Variants in DSE observed in about 807,000 individuals in gnomAD.
DSE encodes the protein dermatan sulfate epimerase, also known as dermatan-sulfate epimerase.
In DSE, 36 loss-of-function variants were observed where a neutral mutation model predicts 84.4. The ratio of observed to expected loss-of-function variants is 0.43; its 90% CI spans 0.33 to 0.56. DSE has a LOEUF of 0.56. Among genes scored for constraint, DSE ranks in the 20% least tolerant of loss-of-function variants. The pLI is 0.06. For missense variants in DSE, 862 were observed against 1,169.6 expected (o/e 0.74, Z 3.84); for synonymous variants, 410 against 430.1 (o/e 0.95, Z 0.58).
intron 2 of DSE, among the ~76,000 whole-genome samples, chr6:116,310,397 ATCT>A (rs1304162686): frequency 6.6e-6 from 1 of 151,404 alleles, no homozygotes; most frequent in African/African-American, 2.4e-5. Context: ...TGCTGGTGAT[ATCT>A]TCTGCTTATC....
chr6:116,365,644 T>C (rs1029035257), upstream of DSE, among the ~76,000 whole-genome samples: 1 of 152,212 alleles, frequency 6.6e-6, no homozygotes, highest in South Asian at 2.1e-4. Flanking sequence ...TGGCTGCACA[T>C]TGGAACTATC....
intron 2 of DSE, among the ~76,000 whole-genome samples, chr6:116,417,198 A>T (rs371370554): frequency 6.6e-6 from 1 of 152,220 alleles, no homozygotes; most frequent in East Asian, 1.9e-4. Flanking sequence ...ATTAGGGCAA[A>T]GTATACTTAC....
intron 2 of DSE, among the ~76,000 whole-genome samples, chr6:116,418,204 T>A (rs142850208): frequency 9.2e-5 from 14 of 151,894 alleles, no homozygotes; most frequent in Admixed American, 8.5e-4. Context: ...AAGCCTTGAG[T>A]TTCTTAGGCA....
chr6:116,322,604 G>A (rs905165149), intron 2 of DSE, among the ~76,000 whole-genome samples: 2 of 150,674 alleles, frequency 1.3e-5, no homozygotes, highest in African/African-American at 4.9e-5. Flanking sequence ...TAAACCTGGA[G>A]TGATTTTTTA....
At chr6:116,289,453 A>G (rs886409474) in intron 2 of DSE, among the ~76,000 whole-genome samples, 1 of 151,968 alleles carries the variant, frequency 6.6e-6, no homozygotes, top group African/African-American at 2.4e-5. Flanking sequence ...ATTTCTGTGT[A>G]TTTTTTAGGT....
At position 116,437,266 on chromosome 6, in the gene DSE, GA is replaced by G. The variant is rs1339083714; in HGVS notation, c.2799del (p.Arg933SerfsTer9). ...FQRAQSLHGQ[R>X]CLYAVLLIDS... ...AGGGCCCAGAGCCTACATGGCCAAA[GA>G]TGTCTTTATGCAGTTCTTCTCATAG... On this transcript the variant is annotated frameshift_variant, in exon 6 of 6. Transcript: ENST00000644252. LOFTEE classifies it high-confidence loss of function. The G allele has an allele frequency of 6.2e-7, 1 of 1,614,066 alleles. No individual in the cohort carries two copies. Among genetic ancestry groups the G allele is most frequent in the Non-Finnish European group, 8.5e-7 (1 of 1,179,996 alleles).
In DSE at chr6:116,286,694, A is replaced by G. The variant is rs527755787; in HGVS notation, c.-54+27727A>G. ...GGACATTAACATTGCCTACACTGTAAGAAATAGCAAAGTGATTAGAAAGTT... is the reference window on the plus strand; with the variant it reads ...GGACATTAACATTGCCTACACTGTAGGAAATAGCAAAGTGATTAGAAAGTT... On this transcript the variant is annotated intron_variant, in intron 2 of 3. Transcript: ENST00000430252. 3.3e-5 allele frequency among the ~76,000 whole-genome samples: 5 copies of G among 152,290 alleles called. No individual in the cohort carries two copies. The South Asian group carries it at 1.0e-3, about 32-fold the overall frequency.
chr6:116,375,111 A>G (rs1239591612), intron 1 of DSE, among the ~76,000 whole-genome samples: 1 of 152,206 alleles, frequency 6.6e-6, no homozygotes, highest in Non-Finnish European at 1.5e-5. Flanking sequence ...GGCAAGTTAT[A>G]TATAAGCCCA....
chr6:116,357,924 T>C (rs1778668713), intron 2 of DSE, among the ~76,000 whole-genome samples: 1 of 152,224 alleles, frequency 6.6e-6, no homozygotes, highest in South Asian at 2.1e-4. Context: ...TTTAAGCTGA[T>C]CTGTCAAGTA....
chr6:116,434,847 G>C (rs1460114861), intron 5 of DSE, among the ~76,000 whole-genome samples: 3 of 152,146 alleles, frequency 2.0e-5, no homozygotes, highest in African/African-American at 4.8e-5. Flanking sequence ...TTAGGGAAAA[G>C]TACATAGTGC....
At chr6:116,398,623 T>C (rs577552512) in intron 1 of DSE, among the ~76,000 whole-genome samples, 8 of 152,260 alleles carry the variant, frequency 5.3e-5, no homozygotes, top group Admixed American at 5.2e-4. Flanking sequence ...GCCTTTGTCT[T>C]CTCTCTTTCC....
rs1183046763 is a variant in DSE at position 116,328,929 on chromosome 6, A to G, written c.-54+69962A>G. ...TGTGTGTAGAAAATTGAAAAGAAAT[A>G]AAAATAAAATAATAATAAAAGCCAG... On this transcript the variant is annotated intron_variant, in intron 2 of 3. Coordinates refer to the DSE transcript ENST00000430252. Among the ~76,000 whole-genome samples the G allele has an allele frequency of 2.0e-5, 3 of 152,152 alleles. No individual in the cohort carries two copies. The East Asian group carries it at 5.8e-4, about 29-fold the overall frequency.
chr6:116,278,759 G>A (rs979950673), intron 2 of DSE: 12 of 1,614,126 alleles, frequency 7.4e-6, no homozygotes, highest in Non-Finnish European at 1.0e-5. Flanking sequence ...TGCCCCCTGC[G>A]CCATATAATT....
At chr6:116,389,710 A>G (rs1221715818) in intron 1 of DSE, among the ~76,000 whole-genome samples, 2 of 152,098 alleles carry the variant, frequency 1.3e-5, no homozygotes, top group East Asian at 1.9e-4. Flanking sequence ...TCTTTTCTAT[A>G]CTTTATTTTT....
intron 2 of DSE, among the ~76,000 whole-genome samples, chr6:116,292,696 T>G (rs1374717691): frequency 6.6e-6 from 1 of 151,404 alleles, no homozygotes; most frequent in Admixed American, 6.6e-5. Context: ...ACAAACTGAA[T>G]GTCAGTAAGT....
intron 2 of DSE, among the ~76,000 whole-genome samples, chr6:116,293,113 T>G (rs1774395845): frequency 6.6e-6 from 1 of 151,996 alleles, no homozygotes; most frequent in African/African-American, 2.4e-5. Flanking sequence ...ATGAGATAAT[T>G]TAACTTTATA....
rs762654146 is a variant in DSE at position 116,436,759 on chromosome 6, T to A, written c.2291T>A (p.Val764Asp). The change falls in exon 6 of 6, where the codon GTC becomes GAC. Residue 764 changes from valine (V) to aspartate (D), a missense_variant. Around this residue, in one of 4 missense-constraint regions of DSE, gnomAD observed 315 missense variants for 348.1 expected, o/e 0.90. Coordinates refer to ENST00000644252, the MANE Select transcript of DSE (RefSeq NM_013352.4). ...QLLEKQILSRVRNTASFRKTA... is the reference protein window; with the variant it reads ...QLLEKQILSRDRNTASFRKTA... ...CTGGAGAAGCAGATACTGTCCCGAGTCCGGAACACAGCTAGCTTTAGGAAG... is the reference window on the plus strand; with the variant it reads ...CTGGAGAAGCAGATACTGTCCCGAGACCGGAACACAGCTAGCTTTAGGAAG... 4.3e-6 allele frequency: 7 copies of A among 1,613,958 alleles called. No individual in the cohort carries two copies. In the African/African-American group the frequency reaches 9.3e-5, roughly 22 times the overall value.
In DSE at chr6:116,435,346, A is replaced by C. The variant is rs951153882; in HGVS notation, c.1119-241A>C. Among the ~76,000 whole-genome samples the C allele has an allele frequency of 2.6e-5, 4 of 152,208 alleles. No individual in the cohort carries two copies. In the East Asian group the frequency reaches 7.7e-4, roughly 29 times the overall value. On this transcript the variant is annotated intron_variant, in intron 5 of 5. Transcript: ENST00000644252. The stretch of plus-strand genomic sequence containing the variant: ...ATAGTCCATGTAGAGATTAGAGCAG[A>C]AATCATTTCGGGCCCAAACCCAAGG...
intron 2 of DSE, among the ~76,000 whole-genome samples, chr6:116,313,575 G>T (rs1775811270): frequency 6.6e-6 from 1 of 152,152 alleles, no homozygotes. Flanking sequence ...TAAATTAATT[G>T]CAAGCATAGC....
Sources: allele counts gnomAD v4.1 joint callset (sites outside exome capture counted in the v4.1 genomes callset), GRCh38; gene constraint gnomAD v4.1.1; regional missense constraint gnomAD v4.1.1; transcripts MANE v1.5; gene names NCBI Gene and HGNC (gene_info 2026-07-23, HGNC 2026-07-21).